The following ZMAT4 variants were observed in gnomAD, a reference collection of about 807,000 sequenced individuals.
ZMAT4 encodes the protein zinc finger matrin-type 4, also known as zinc finger matrin-type protein 4.
ZMAT4 carries 17 observed loss-of-function variants against 28.7 expected under a neutral mutation model. The ratio of observed to expected loss-of-function variants is 0.59; its 90% confidence interval spans 0.41 to 0.89. ZMAT4 has a LOEUF of 0.89. Among genes scored for constraint, ZMAT4 ranks in the 40% least tolerant of loss-of-function variants. The pLI, the probability that ZMAT4 is intolerant of heterozygous loss-of-function variation, is 0.00. For synonymous variants in ZMAT4, 117 were observed against 109.2 expected, an observed-to-expected ratio of 1.07 and a Z score of -0.44; for missense variants, 240 against 283.8, an observed-to-expected ratio of 0.85 and a Z score of 1.11.
intron 5 of ZMAT4, among the ~76,000 whole-genome samples, chr8:40,670,142 C>A (rs892715388): frequency 1.3e-5 from 2 of 152,060 alleles, no homozygotes; most frequent in African/African-American, 4.8e-5. Flanking sequence ...TACCTCATTT[C>A]GAGACTTCTA....
intron 1 of ZMAT4, among the ~76,000 whole-genome samples, chr8:40,837,995 G>C (rs908837958): frequency 3.3e-5 from 5 of 152,212 alleles, no homozygotes; most frequent in African/African-American, 2.4e-5. Flanking sequence ...GGGGCAAACG[G>C]AGCAGATGGC....
intron 1 of ZMAT4, among the ~76,000 whole-genome samples, chr8:40,845,764 A>G (rs1816864457): frequency 8.5e-6 from 1 of 117,326 alleles, no homozygotes; most frequent in Non-Finnish European, 1.7e-5. Flanking sequence ...CTAGTTCAAT[A>G]CACTTAGTAG....
At chr8:40,630,091 A>G (rs1806519564) in intron 5 of ZMAT4, among the ~76,000 whole-genome samples, 1 of 152,148 alleles carries the variant, frequency 6.6e-6, no homozygotes, top group African/African-American at 2.4e-5. Context: ...GTTCTATATT[A>G]CTTATGCTAG....
rs531584250 is a variant in ZMAT4, at chr8:40,738,353, G to C, written c.192+29288C>G. Among the ~76,000 whole-genome samples, 5 of 152,316 alleles carry C rather than the reference G, an allele frequency of 3.3e-5. No individual in the cohort carries two copies. In the South Asian group the frequency reaches 1.0e-3, roughly 32 times the overall value. Reference sequence around the variant, plus strand: ...TCAGACCCTGCCACAGAGCTCTGAGGTTAGAAGGCAGGATACCTTGTCCCC... The same window carrying C: ...TCAGACCCTGCCACAGAGCTCTGAGCTTAGAAGGCAGGATACCTTGTCCCC... On this transcript the variant is annotated intron_variant, in intron 3 of 6. Transcript: ENST00000297737.
At chr8:40,586,088 A>G (rs546299236) in intron 5 of ZMAT4, among the ~76,000 whole-genome samples, 2 of 152,324 alleles carry the variant, frequency 1.3e-5, no homozygotes, top group East Asian at 1.9e-4. Context: ...TATAAATTGG[A>G]AAGGCAGTGC....
chr8:40,595,093 G>GA (rs1223983159), intron 5 of ZMAT4, among the ~76,000 whole-genome samples: 1 of 152,154 alleles, frequency 6.6e-6, no homozygotes, highest in Non-Finnish European at 1.5e-5. Context: ...AGGATATATT[G>GA]AAAATCGTGT....
chr8:40,767,823 G>A, intron 2 of ZMAT4, 93 bp from the exon 3 acceptor site: 3 of 979,560 alleles, frequency 3.1e-6, no homozygotes, highest in Non-Finnish European at 4.5e-6. Flanking sequence ...AAAAAGAAAT[G>A]TATTTTCAGT....
intron 5 of ZMAT4, among the ~76,000 whole-genome samples, chr8:40,643,812 T>G: frequency 6.9e-6 from 1 of 144,104 alleles, no homozygotes; most frequent in Non-Finnish European, 1.5e-5. Context: ...AGGAGTAAGG[T>G]CAGTGTTCCA....
intron 2 of ZMAT4, among the ~76,000 whole-genome samples, chr8:40,815,720 C>T (rs1180905079): frequency 2.0e-5 from 3 of 152,350 alleles, no homozygotes; most frequent in East Asian, 3.9e-4. Context: ...CCACTTGGCA[C>T]ACAGGCTCCA....
Position 40,623,414 on chromosome 8 carries a change from A to T in ZMAT4, c.578-42153T>A, listed in dbSNP as rs1035241532. On this transcript the variant is annotated intron_variant, in intron 5 of 6. Coordinates refer to ENST00000297737, the MANE Select transcript of ZMAT4 (RefSeq NM_024645.3). ...GTAAGTGTGAAGATTGAAAAGAGAG[A>T]ATGCATGAGAAAATACTAGCAAATG... is the stretch of plus-strand genomic sequence containing the variant. 5.3e-5 allele frequency among the ~76,000 whole-genome samples: 8 copies of T among 152,326 alleles called. No homozygotes were observed. The East Asian group carries it at 1.3e-3, about 26-fold the overall frequency.
intron 5 of ZMAT4, among the ~76,000 whole-genome samples, chr8:40,642,126 A>G (rs1807059250): frequency 6.6e-6 from 1 of 152,184 alleles, no homozygotes; most frequent in South Asian, 2.1e-4. Context: ...TGGATAAATA[A>G]CAAACAGATT....
intron 2 of ZMAT4, among the ~76,000 whole-genome samples, chr8:40,812,670 C>T (rs762216467): frequency 2.6e-5 from 4 of 152,188 alleles, no homozygotes; most frequent in African/African-American, 9.7e-5. Context: ...GTGGCTCATG[C>T]CTGTAATCCC....
At chr8:40,679,705 G>T (rs897689892) in intron 4 of ZMAT4, among the ~76,000 whole-genome samples, 2 of 152,130 alleles carry the variant, frequency 1.3e-5, no homozygotes, top group Admixed American at 6.6e-5. Flanking sequence ...GATGAGATTT[G>T]GGTGGGGACA....
At chr8:40,823,720 CGTGTGTGTT>C in intron 2 of ZMAT4, among the ~76,000 whole-genome samples, 1 of 91,552 alleles carries the variant, frequency 1.1e-5, no homozygotes, top group Non-Finnish European at 2.3e-5. Flanking sequence ...TGTGTGTGTG[CGTGTGTGTT>C]TATGAAGCCA....
chr8:40,802,086 T>C lies in ZMAT4; in HGVS notation c.102+23489A>G, dbSNP rs112269716. ...ATAGAGAAACATTTTCTCAATATTA[T>C]AAAGAACATCTACAAGAAACCTTCA... On this transcript the variant is annotated intron_variant, in intron 2 of 6. Transcript: ENST00000297737. 9.1e-3 allele frequency among the ~76,000 whole-genome samples: 1,393 copies of C among 152,340 alleles called. 22 individuals carry two copies. The highest frequency in any genetic ancestry group is 0.032 in the African/African-American group (1,344 of 41,574).
At chr8:40,586,326 T>G (rs182949286) in intron 5 of ZMAT4, among the ~76,000 whole-genome samples, 116 of 152,320 alleles carry the variant, frequency 7.6e-4, no homozygotes, top group Admixed American at 2.8e-3. Context: ...AAGAGTATCC[T>G]AAAATTTCTG....
intron 5 of ZMAT4, among the ~76,000 whole-genome samples, chr8:40,605,761 T>G (rs1330130688): frequency 1.3e-5 from 2 of 152,156 alleles, no homozygotes; most frequent in Admixed American, 1.3e-4. Flanking sequence ...GTCAGTGGAG[T>G]ATTGAAATTT....
chr8:40,887,578 A>T (rs555179098), intron 1 of ZMAT4, among the ~76,000 whole-genome samples: 5 of 152,286 alleles, frequency 3.3e-5, no homozygotes, highest in East Asian at 3.9e-4. Flanking sequence ...AGTTTAAAGA[A>T]ATCAGAAGTC....
At chr8:40,592,079 C>T (rs911780569) in intron 5 of ZMAT4, among the ~76,000 whole-genome samples, 25 of 152,128 alleles carry the variant, frequency 1.6e-4, no homozygotes, top group Non-Finnish European at 2.5e-4. Context: ...ATAGATGAAG[C>T]ATGGCTGCTC....
Sources: allele counts gnomAD v4.1 joint callset (sites outside exome capture counted in the v4.1 genomes callset), GRCh38; gene constraint gnomAD v4.1.1; transcripts MANE v1.5; gene names NCBI Gene and HGNC (gene_info 2026-07-23, HGNC 2026-07-21).